MGAT4C: variants seen among roughly 807,000 people sequenced by gnomAD.
The protein encoded by MGAT4C is alpha-1,3-mannosyl-glycoprotein 4-beta-N-acetylglucosaminyltransferase C.
Under a neutral mutation model 40.1 loss-of-function variants are expected in MGAT4C, and 19 were observed. The ratio of observed to expected loss-of-function variants is 0.47; its 90% CI spans 0.33 to 0.70. The LOEUF (loss-of-function observed/expected upper bound fraction) is 0.70, where lower values mean the gene tolerates loss of function less well. MGAT4C is among the 30% of genes least tolerant of loss of function. The pLI is 0.02. For synonymous variants in MGAT4C, 181 were observed against 187.1 expected (o/e 0.97, Z 0.27); for missense variants, 491 against 563.2 (o/e 0.87, Z 1.30).
chr12:86,579,351 C>T (rs1284030284), intron 2 of MGAT4C, among the ~76,000 whole-genome samples: 1 of 151,496 alleles, frequency 6.6e-6, no homozygotes, highest in Admixed American at 6.6e-5. Context: ...TACTATAAGG[C>T]TTGCAAATAC....
chr12:86,798,957 G>A (rs1257388338), intron 1 of MGAT4C, among the ~76,000 whole-genome samples: 1 of 151,660 alleles, frequency 6.6e-6, no homozygotes, highest in Non-Finnish European at 1.5e-5. Context: ...TACTAAACTG[G>A]GGCCACTTTA....
In MGAT4C at chr12:86,742,475, T is replaced by C. The variant is rs150598089; in HGVS notation, c.-261-15234A>G. On this transcript the variant is annotated intron_variant, in intron 1 of 7. Coordinates refer to the MGAT4C transcript ENST00000548651. ...AGTGCCTTAAAAGATGTTGCATTTA[T>C]GTGTTTCTGCTTCCACCTTGCTCCA... Among the ~76,000 whole-genome samples the C allele has an allele frequency of 4.0e-5, 6 of 151,662 alleles. No individual in the cohort carries two copies. The East Asian group carries it at 9.7e-4, about 25-fold the overall frequency.
At chr12:85,991,133 A>C (rs1885873821) in intron 2 of MGAT4C, among the ~76,000 whole-genome samples, 1 of 152,152 alleles carries the variant, frequency 6.6e-6, no homozygotes, top group South Asian at 2.1e-4. Context: ...TCCTCTCTGT[A>C]GACAGGTCAA....
chr12:86,405,820 T>C (rs1388828555), intron 3 of MGAT4C, among the ~76,000 whole-genome samples: 2 of 150,350 alleles, frequency 1.3e-5, no homozygotes, highest in Admixed American at 6.7e-5. Context: ...ATATATCCAG[T>C]TGATTTTTAA....
intron 1 of MGAT4C, among the ~76,000 whole-genome samples, chr12:86,129,328 GAAC>G (rs1880818978): frequency 6.6e-6 from 1 of 151,990 alleles, no homozygotes; most frequent in South Asian, 2.1e-4. Flanking sequence ...ACTTTTCAAG[GAAC>G]AACATGTTTT....
chr12:86,106,083 C>T (rs1876109319), intron 1 of MGAT4C, among the ~76,000 whole-genome samples: 1 of 152,132 alleles, frequency 6.6e-6, no homozygotes, highest in Admixed American at 6.6e-5. Context: ...TTCCTTTATG[C>T]ATGGAATATG....
At chr12:86,817,289 ATTATT>A (rs1952625174) in intron 1 of MGAT4C, among the ~76,000 whole-genome samples, 1 of 151,394 alleles carries the variant, frequency 6.6e-6, no homozygotes, top group African/African-American at 2.4e-5. Flanking sequence ...TAAATTGTTT[ATTATT>A]TTAACATAAT....
At chr12:86,518,623 G>T (rs529044322) in intron 2 of MGAT4C, among the ~76,000 whole-genome samples, 1 of 152,268 alleles carries the variant, frequency 6.6e-6, no homozygotes, top group East Asian at 1.9e-4. Context: ...CAAACAGTTT[G>T]GGAGCTTTTA....
At chr12:86,093,492 G>A (rs112832160) in intron 1 of MGAT4C, among the ~76,000 whole-genome samples, 1 of 152,046 alleles carries the variant, frequency 6.6e-6, no homozygotes, top group Non-Finnish European at 1.5e-5. Flanking sequence ...ACTTTGGGAG[G>A]CCGAGGCAGG....
chr12:86,599,300 C>T (rs1056808698), intron 2 of MGAT4C, among the ~76,000 whole-genome samples: 2 of 152,014 alleles, frequency 1.3e-5, no homozygotes, highest in Non-Finnish European at 2.9e-5. Context: ...ATTTTCCTGG[C>T]AGATTAGATG....
intron 1 of MGAT4C, among the ~76,000 whole-genome samples, chr12:86,085,727 A>G (rs1871694821): frequency 1.3e-5 from 2 of 152,204 alleles, no homozygotes; most frequent in Admixed American, 6.6e-5. Context: ...AAGGTGGGCA[A>G]AGAATATGAA....
At position 86,025,548 on chromosome 12, in the gene MGAT4C, T is replaced by C. The variant is rs551500743; in HGVS notation, c.-7+24126A>G. ...CATTGTTGAAAAGCTCATAAAACAA[T>C]ATTTTTTATATGTTGTTTCAAATAT... On this transcript the variant is annotated intron_variant, in intron 2 of 4. Coordinates refer to ENST00000611864, the MANE Select transcript of MGAT4C (RefSeq NM_001351288.2). Among the ~76,000 whole-genome samples, 6 of 151,900 alleles carry C rather than the reference T, an allele frequency of 3.9e-5. No homozygotes were observed. The South Asian group carries it at 1.2e-3, about 31-fold the overall frequency.
At chr12:86,519,522 C>A (rs557558747) in intron 2 of MGAT4C, among the ~76,000 whole-genome samples, 2 of 152,064 alleles carry the variant, frequency 1.3e-5, no homozygotes, top group East Asian at 1.9e-4. Context: ...TCCTACCAAC[C>A]GTGTATGAGG....
chr12:86,333,096 G>A (rs1481768543), intron 4 of MGAT4C, among the ~76,000 whole-genome samples: 1 of 152,114 alleles, frequency 6.6e-6, no homozygotes, highest in African/African-American at 2.4e-5. Context: ...ATGTATGAAT[G>A]ACAGAACCTC....
chr12:86,741,710 T>C (rs1951072670), intron 1 of MGAT4C, among the ~76,000 whole-genome samples: 1 of 151,388 alleles, frequency 6.6e-6, no homozygotes, highest in South Asian at 2.1e-4. Context: ...ATAGTTTTGC[T>C]TGTGCACAAT....
At position 86,316,762 on chromosome 12, in the gene MGAT4C, T is replaced by C. The variant is rs577828093; in HGVS notation, c.-57+17303A>G. ...GGTGGGAAAACTAACTCTTGGGGAC[T>C]ATGCTCACTAGCTGGGTGATGGAAT... On this transcript the variant is annotated intron_variant, in intron 4 of 7. Coordinates refer to the MGAT4C transcript ENST00000548651. Among the ~76,000 whole-genome samples, 112 of 152,282 alleles carry C rather than the reference T, an allele frequency of 7.4e-4. 2 individuals carry two copies. The South Asian group carries it at 0.022, about 30-fold the overall frequency.
At chr12:86,175,005 T>C (rs1471189095) in intron 1 of MGAT4C, among the ~76,000 whole-genome samples, 3 of 152,070 alleles carry the variant, frequency 2.0e-5, no homozygotes, top group African/African-American at 7.2e-5. Flanking sequence ...TTGCCATGTA[T>C]AGCATAAATT....
At chr12:86,424,299 T>C (rs1263002962) in intron 3 of MGAT4C, among the ~76,000 whole-genome samples, 1 of 152,196 alleles carries the variant, frequency 6.6e-6, no homozygotes, top group Admixed American at 6.5e-5. Flanking sequence ...CCTTTCTCTT[T>C]AGATTTTTGT....
At chr12:86,059,158 T>G (rs1440389470) in intron 1 of MGAT4C, among the ~76,000 whole-genome samples, 5 of 152,148 alleles carry the variant, frequency 3.3e-5, no homozygotes, top group African/African-American at 9.7e-5. Context: ...AATTCTTGTG[T>G]GCCTTGGCTG....
Sources: gnomAD v4.1 joint callset for allele counts (sites outside exome capture counted in the v4.1 genomes callset) on GRCh38, gnomAD v4.1.1 for gene constraint, MANE v1.5 for transcripts, NCBI Gene and HGNC (gene_info 2026-07-23, HGNC 2026-07-21) for gene names.